NRXN3: variants seen among roughly 807,000 people sequenced by gnomAD.
NRXN3 encodes neurexin 3, also known as neurexin III.
A neutral mutation model predicts 137.6 loss-of-function variants in NRXN3; 32 were observed. The observed-to-expected ratio is 0.23, with a 90% CI of 0.18 to 0.31. NRXN3 has a LOEUF of 0.31. Ranked by LOEUF, NRXN3 falls within the 10% of genes least tolerant of loss-of-function variation. NRXN3 has a pLI of 1.00. For missense variants in NRXN3, 1,574 were observed against 2,062.5 expected (o/e 0.76, Z 4.59); for synonymous variants, 798 against 784.5 (o/e 1.02, Z -0.29).
At chr14:78,364,986 C>T (rs1270371412) in intron 4 of NRXN3, among the ~76,000 whole-genome samples, 3 of 152,026 alleles carry the variant, frequency 2.0e-5, no homozygotes, top group Non-Finnish European at 4.4e-5. Context: ...AATGATTAAC[C>T]TTTCCCTAAG....
chr14:79,149,331 T>G (rs2059588033), intron 15 of NRXN3, among the ~76,000 whole-genome samples: 1 of 151,930 alleles, frequency 6.6e-6, no homozygotes, highest in Admixed American at 6.6e-5. Context: ...GGGGGATTTT[T>G]TTTTTTTTCA....
chr14:78,849,448 T>A (rs1226411431), intron 10 of NRXN3, among the ~76,000 whole-genome samples: 1 of 152,004 alleles, frequency 6.6e-6, no homozygotes, highest in Non-Finnish European at 1.5e-5. Context: ...CAGATGGATA[T>A]TTGGACCAGA....
At chr14:79,404,675 A>T (rs1274996929) in intron 15 of NRXN3, among the ~76,000 whole-genome samples, 1 of 152,198 alleles carries the variant, frequency 6.6e-6, no homozygotes, top group African/African-American at 2.4e-5. Context: ...GCTTATGGGA[A>T]CGAAGAACTA....
chr14:78,257,787 T>A (rs2069920411), intron 2 of NRXN3, among the ~76,000 whole-genome samples: 1 of 152,178 alleles, frequency 6.6e-6, no homozygotes, highest in African/African-American at 2.4e-5. Flanking sequence ...AGTTTTTCAG[T>A]TGAATTGTGA....
At chr14:78,428,420 C>T (rs1407894909) in intron 4 of NRXN3, among the ~76,000 whole-genome samples, 1 of 152,134 alleles carries the variant, frequency 6.6e-6, no homozygotes, top group Non-Finnish European at 1.5e-5. Context: ...TAAACTATAA[C>T]CCCAACTCTA....
chr14:79,430,683 C>A (rs2095737641), intron 15 of NRXN3, among the ~76,000 whole-genome samples: 1 of 152,118 alleles, frequency 6.6e-6, no homozygotes. Flanking sequence ...CTGCTCACTG[C>A]AATAGGAAGG....
At position 79,471,060 on chromosome 14, in the gene NRXN3, C is replaced by T. The variant is rs145622620; in HGVS notation, c.3444+3658C>T. ...TTTTAACTTTCAAAGAAGACAATTC[C>T]TAGAAATTCCTGAAGTGTTTTGAGC... On this transcript the variant is annotated intron_variant, in intron 16 of 20. Transcript: ENST00000335750. Among the ~76,000 whole-genome samples the T allele has an allele frequency of 4.0e-3, 606 of 150,314 alleles. 1 individual carries two copies. The highest frequency in any genetic ancestry group is 0.014 in the African/African-American group (566 of 40,948).
intron 8 of NRXN3, among the ~76,000 whole-genome samples, chr14:78,738,354 G>A (rs890432874): frequency 1.3e-5 from 2 of 152,186 alleles, no homozygotes; most frequent in African/African-American, 2.4e-5. Flanking sequence ...AAAGATGTCA[G>A]CTCACCCGTT....
At chr14:79,524,763 A>G (rs2097102753) in intron 16 of NRXN3, among the ~76,000 whole-genome samples, 1 of 152,238 alleles carries the variant, frequency 6.6e-6, no homozygotes, top group African/African-American at 2.4e-5. Flanking sequence ...GTGTATACAC[A>G]GGAGCCTTCA....
rs1380310384 is a variant in NRXN3 at position 79,865,763 on chromosome 14, C to G, written c.*3799C>G. ...GCCTCAGCCTCCTGAGTAGCTGCGA[C>G]TACAGGCATGGGCCACCACACCCAG... is the stretch of plus-strand genomic sequence containing the variant. On this transcript the variant is annotated 3_prime_UTR_variant, in exon 21 of 21. Transcript: ENST00000335750. The G allele has an allele frequency of 6.6e-6, 1 of 152,140 alleles. No homozygotes were observed. Among genetic ancestry groups the G allele is most frequent in the Non-Finnish European group, 1.5e-5 (1 of 68,034 alleles). The allele number at this position is 152,140 out of a possible 1,614,324, so 9.4% of individuals were successfully genotyped here.
intron 15 of NRXN3, among the ~76,000 whole-genome samples, chr14:79,378,646 A>G (rs1303232191): frequency 1.3e-5 from 2 of 152,150 alleles, no homozygotes; most frequent in East Asian, 3.8e-4. Flanking sequence ...ACACTGTGAA[A>G]TTTAGCAAAG....
intron 4 of NRXN3, among the ~76,000 whole-genome samples, chr14:78,453,257 C>T (rs2094593847): frequency 1.3e-5 from 2 of 152,180 alleles, no homozygotes; most frequent in Non-Finnish European, 2.9e-5. Flanking sequence ...CAAGAGACAA[C>T]AAAATTATAT....
intron 4 of NRXN3, among the ~76,000 whole-genome samples, chr14:78,499,707 AC>A (rs1567767868): frequency 1.3e-5 from 2 of 152,122 alleles, no homozygotes; most frequent in Non-Finnish European, 2.9e-5. Flanking sequence ...CTGGAGAAGA[AC>A]CTGCCTCCAA....
intron 15 of NRXN3, among the ~76,000 whole-genome samples, chr14:79,298,632 A>G (rs1213411687): frequency 6.6e-6 from 1 of 152,102 alleles, no homozygotes; most frequent in Non-Finnish European, 1.5e-5. Flanking sequence ...ATCAGAGACT[A>G]CATCTGTTTT....
intron 4 of NRXN3, chr14:78,403,844 C>T: frequency 1.0e-6 from 1 of 985,418 alleles, no homozygotes; most frequent in Non-Finnish European, 1.2e-6. Context: ...CTCTGCACTT[C>T]CATTCCTGCA....
At chr14:78,858,252 C>T (rs1020608939) in intron 10 of NRXN3, among the ~76,000 whole-genome samples, 2 of 151,960 alleles carry the variant, frequency 1.3e-5, no homozygotes, top group African/African-American at 4.8e-5. Flanking sequence ...TGACTGCAGC[C>T]CTGACACCTG....
chr14:78,856,124 C>T (rs559655419), intron 10 of NRXN3, among the ~76,000 whole-genome samples: 1 of 152,176 alleles, frequency 6.6e-6, no homozygotes, highest in South Asian at 2.1e-4. Context: ...AACACTCCAA[C>T]CTCAGTATGC....
chr14:78,778,547 G>C (rs2098752081), intron 8 of NRXN3, among the ~76,000 whole-genome samples: 1 of 151,976 alleles, frequency 6.6e-6, no homozygotes, highest in Non-Finnish European at 1.5e-5. Context: ...TTTTATACAA[G>C]CTAATTTTTC....
intron 16 of NRXN3, among the ~76,000 whole-genome samples, chr14:79,500,550 G>A (rs925537981): frequency 6.6e-6 from 1 of 152,172 alleles, no homozygotes; most frequent in African/African-American, 2.4e-5. Context: ...CTCCATAGAT[G>A]ATTAGAATAA....
Sources: allele counts gnomAD v4.1 joint callset (sites outside exome capture counted in the v4.1 genomes callset), GRCh38; gene constraint gnomAD v4.1.1; transcripts MANE v1.5; gene names NCBI Gene and HGNC (gene_info 2026-07-23, HGNC 2026-07-21).